The following MMAA variants were observed in gnomAD, a reference collection of about 807,000 sequenced individuals.
MMAA encodes metabolism of cobalamin associated A.
Under a neutral mutation model 45.0 loss-of-function variants are expected in MMAA, and 41 were observed. The ratio of observed to expected loss-of-function variants is 0.91; its 90% CI spans 0.71 to 1.18. The LOEUF (loss-of-function observed/expected upper bound fraction) is 1.18, where lower values mean the gene tolerates loss of function less well. Ranked by LOEUF, MMAA falls within the 50% of genes most tolerant of loss-of-function variation. The pLI, the probability that MMAA is intolerant of heterozygous loss-of-function variation, is 0.00. For missense variants in MMAA, 460 were observed against 495.7 expected (o/e 0.93, Z 0.68); for synonymous variants, 154 against 178.2 (o/e 0.86, Z 1.08).
At chr4:145,624,391 C>T (rs1260312508) in intron 1 of MMAA, 1 of 782,790 alleles carries the variant, frequency 1.3e-6, no homozygotes, top group Non-Finnish European at 2.3e-6. Flanking sequence ...AGGAGCCAGT[C>T]AGCTGTGTTA....
chr4:145,640,107 A>T (rs1316914500), intron 2 of MMAA, among the ~76,000 whole-genome samples: 1 of 151,740 alleles, frequency 6.6e-6, no homozygotes, highest in African/African-American at 2.4e-5. Context: ...TTTATTTTTT[A>T]TTTTTGTACT....
chr4:145,633,340 A>G (rs1200860312), intron 1 of MMAA, among the ~76,000 whole-genome samples: 2 of 151,220 alleles, frequency 1.3e-5, no homozygotes, highest in Non-Finnish European at 2.9e-5. Flanking sequence ...CTGGGATTAC[A>G]GTACCCACCA....
intron 3 of MMAA, 22 bp downstream of exon 3, chr4:145,642,507 TC>T (rs1560797532): frequency 6.2e-7 from 1 of 1,613,890 alleles, no homozygotes; most frequent in Non-Finnish European, 8.5e-7. Context: ...TGATTCTTTT[TC>T]AATTGCAGAG....
chr4:145,648,499 C>T (rs1209082376), intron 4 of MMAA, among the ~76,000 whole-genome samples: 1 of 152,004 alleles, frequency 6.6e-6, no homozygotes, highest in Admixed American at 6.6e-5. Context: ...ATAACAATAG[C>T]CATGACAGGG....
At chr4:145,641,551 TAC>T (rs765466459) in intron 2 of MMAA, among the ~76,000 whole-genome samples, 1 of 152,266 alleles carries the variant, frequency 6.6e-6, no homozygotes, top group Non-Finnish European at 1.5e-5. Flanking sequence ...TCATTTAACA[TAC>T]ACTTATATGT....
chr4:145,653,883 T>C (rs1173382722), intron 5 of MMAA, 111 bp from the exon 6 acceptor site: 1 of 1,150,730 alleles, frequency 8.7e-7, no homozygotes, highest in African/African-American at 1.5e-5. Context: ...ATCCAGGGCT[T>C]AGGAGGATAT....
intron 1 of MMAA, among the ~76,000 whole-genome samples, chr4:145,620,221 CAAG>C (rs770347895): frequency 6.6e-6 from 1 of 152,010 alleles, no homozygotes; most frequent in Non-Finnish European, 1.5e-5. Context: ...TTCAGGGTAA[CAAG>C]AGGTTTTTAA....
chr4:145,630,249 T>A (rs1226818766), intron 1 of MMAA, among the ~76,000 whole-genome samples: 1 of 152,196 alleles, frequency 6.6e-6, no homozygotes, highest in Non-Finnish European at 1.5e-5. Context: ...TGTCTAGGAA[T>A]TTATCCATTT....
rs1331096790 is a variant in MMAA, at chr4:145,655,516, C to G, written c.*82C>G. 7.8e-7 allele frequency: 1 copy of G among 1,278,476 alleles called. No individual in the cohort carries two copies. The highest frequency in any genetic ancestry group is 1.1e-6 in the Non-Finnish European group (1 of 923,648). The allele number at this position is 1,278,476 out of a possible 1,614,324, so 79.2% of individuals were successfully genotyped here. A position where few individuals can be genotyped will look rare whatever the true frequency, so the allele number is the denominator to read the frequency against. On this transcript the variant is annotated 3_prime_UTR_variant, in exon 7 of 7. Transcript: ENST00000649156. ...AAAATCACTTGTATGCTTATATTTT[C>G]AGTAATTATTGTATGGTGCTCTTGT...
intron 1 of MMAA, chr4:145,626,104 A>G: frequency 1.6e-6 from 1 of 624,068 alleles, no homozygotes; most frequent in South Asian, 2.5e-5. Flanking sequence ...GGACTGAGAC[A>G]CGGCCCCACA....
chr4:145,651,126 A>T lies in MMAA; in HGVS notation c.798A>T (p.Pro266=). ...MVDMFVLLLP[P]AGGDELQGIK... is the part of the protein sequence containing the mutation. Reference sequence around the variant, plus strand: ...ACATGTTTGTTTTACTACTGCCACCAGCAGGAGGAGATGAGCTGCAGGTAA... The same window carrying T: ...ACATGTTTGTTTTACTACTGCCACCTGCAGGAGGAGATGAGCTGCAGGTAA... The change falls in exon 5 of 7, where the codon CCA becomes CCT. Residue 266 remains proline, a synonymous_variant. Transcript: ENST00000649156. 1 of 1,614,118 alleles carries T rather than the reference A, an allele frequency of 6.2e-7. No homozygotes were observed. Among genetic ancestry groups the T allele is most frequent in the Non-Finnish European group, 8.5e-7 (1 of 1,179,932 alleles).
chr4:145,645,252 C>G (rs534982527), intron 3 of MMAA, among the ~76,000 whole-genome samples: 1 of 152,208 alleles, frequency 6.6e-6, no homozygotes, highest in South Asian at 2.1e-4. Context: ...CTTATGCCCT[C>G]CAGGATGCTG....
Position 145,658,967 on chromosome 4 carries a change from A to G in MMAA, c.*3533A>G, listed in dbSNP as rs1728310508. On this transcript the variant is annotated 3_prime_UTR_variant, in exon 7 of 7. Transcript: ENST00000649156. ...TCCTCCTAAAGTTGAATTCTTATCC[A>G]AGTGGACATATGTTAGGGTGCCATT... 1 of 152,182 alleles carries G rather than the reference A, an allele frequency of 6.6e-6. No individual in the cohort carries two copies. Among genetic ancestry groups the G allele is most frequent in the South Asian group, 2.1e-4 (1 of 4,822 alleles). The allele number at this position is 152,182 out of a possible 1,614,324, so 9.4% of individuals were successfully genotyped here.
chr4:145,640,304 G>A (rs1727746449), intron 2 of MMAA, among the ~76,000 whole-genome samples: 1 of 151,714 alleles, frequency 6.6e-6, no homozygotes, highest in South Asian at 2.1e-4. Context: ...ATAGAGACAG[G>A]GTTTCACCAT....
chr4:145,623,440 G>A (rs1734129709), intron 1 of MMAA, among the ~76,000 whole-genome samples: 1 of 152,046 alleles, frequency 6.6e-6, no homozygotes, highest in Non-Finnish European at 1.5e-5. Context: ...AAATAATACC[G>A]AGCCCTTCTA....
At chr4:145,641,101 T>C (rs950493022) in intron 2 of MMAA, among the ~76,000 whole-genome samples, 6 of 152,214 alleles carry the variant, frequency 3.9e-5, no homozygotes, top group Admixed American at 3.9e-4. Flanking sequence ...TCAGACTTCT[T>C]AATCTTCTGC....
chr4:145,648,562 G>C (rs1360155886), intron 4 of MMAA, among the ~76,000 whole-genome samples: 1 of 152,188 alleles, frequency 6.6e-6, no homozygotes, highest in Non-Finnish European at 1.5e-5. Context: ...AGTTGCCTGA[G>C]TAGTAGTAGG....
At chr4:145,634,501 C>T (rs190760790) in intron 1 of MMAA, among the ~76,000 whole-genome samples, 1 of 151,952 alleles carries the variant, frequency 6.6e-6, no homozygotes, top group African/African-American at 2.4e-5. Flanking sequence ...AAATGCCATC[C>T]AAGAGCCAAG....
intron 1 of MMAA, among the ~76,000 whole-genome samples, chr4:145,631,285 C>T (rs1266594463): frequency 6.6e-6 from 1 of 152,166 alleles, no homozygotes; most frequent in Non-Finnish European, 1.5e-5. Context: ...GGGTCTATCT[C>T]TCTATCTCCA....
Sources: gnomAD v4.1 joint callset for allele counts (sites outside exome capture counted in the v4.1 genomes callset) on GRCh38, gnomAD v4.1.1 for gene constraint, MANE v1.5 for transcripts, NCBI Gene and HGNC (gene_info 2026-07-23, HGNC 2026-07-21) for gene names.